CDH18: variants seen among roughly 807,000 people sequenced by gnomAD.
The protein encoded by CDH18 is cadherin-18.
CDH18 carries 31 observed loss-of-function variants against 67.9 expected under a neutral mutation model. That is an observed-to-expected ratio of 0.46 (90% CI 0.34 to 0.62). CDH18 has a LOEUF of 0.62. CDH18 is among the 20% of genes least tolerant of loss of function. The probability of loss-of-function intolerance (pLI) is 0.01; values close to 1 mark genes in which losing one functional copy is unlikely to be tolerated. For synonymous variants in CDH18, 362 were observed against 347.2 expected, an observed-to-expected ratio of 1.04 and a Z score of -0.48; for missense variants, 890 against 975.5, an observed-to-expected ratio of 0.91 and a Z score of 1.17.
intron 6 of CDH18, among the ~76,000 whole-genome samples, chr5:19,604,128 G>T (rs1747634916): frequency 6.6e-6 from 1 of 151,982 alleles, no homozygotes. Context: ...AAGGGCATTT[G>T]TCTCACTGAG....
intron 2 of CDH18, among the ~76,000 whole-genome samples, chr5:20,120,867 CATCTG>C (rs1192430356): frequency 6.6e-6 from 1 of 152,152 alleles, no homozygotes; most frequent in East Asian, 1.9e-4. Context: ...AAATGATTAG[CATCTG>C]ATCTGCTATA....
chr5:19,597,614 A>C (rs962445202), intron 6 of CDH18, among the ~76,000 whole-genome samples: 2 of 152,198 alleles, frequency 1.3e-5, no homozygotes, highest in Admixed American at 6.5e-5. Context: ...CAGAAAAAAA[A>C]ACAAATAAAA....
intron 1 of CDH18, among the ~76,000 whole-genome samples, chr5:20,558,376 G>A (rs892185335): frequency 5.9e-5 from 9 of 152,052 alleles, no homozygotes; most frequent in Non-Finnish European, 2.9e-5. Flanking sequence ...GAGGGGAGGA[G>A]TATAAAAAAG....
chr5:19,960,075 T>C (rs978125023), intron 2 of CDH18, among the ~76,000 whole-genome samples: 1 of 152,052 alleles, frequency 6.6e-6, no homozygotes, highest in African/African-American at 2.4e-5. Flanking sequence ...CCTATGACAT[T>C]ACTCTACACT....
chr5:19,849,477 T>C (rs1783395427), intron 2 of CDH18, among the ~76,000 whole-genome samples: 1 of 151,696 alleles, frequency 6.6e-6, no homozygotes, highest in African/African-American at 2.4e-5. Context: ...AACCACCAAT[T>C]AAATCAATAT....
chr5:20,359,096 T>C (rs1026707599), intron 1 of CDH18, among the ~76,000 whole-genome samples: 11 of 152,076 alleles, frequency 7.2e-5, no homozygotes, highest in African/African-American at 2.7e-4. Flanking sequence ...CATGCCTAGC[T>C]AATTTTGTAT....
chr5:19,934,925 A>T (rs1343078400), intron 2 of CDH18, among the ~76,000 whole-genome samples: 1 of 151,330 alleles, frequency 6.6e-6, no homozygotes, highest in Admixed American at 6.6e-5. Flanking sequence ...GGAGAGGAAA[A>T]CAATTGGATC....
At chr5:20,228,355 G>A (rs2126487333) in intron 2 of CDH18, among the ~76,000 whole-genome samples, 1 of 152,022 alleles carries the variant, frequency 6.6e-6, no homozygotes, top group African/African-American at 2.4e-5. Context: ...AAAATTACAG[G>A]TAAAATTGTA....
At chr5:20,498,919 T>C (rs1004805116) in intron 1 of CDH18, among the ~76,000 whole-genome samples, 1 of 151,942 alleles carries the variant, frequency 6.6e-6, no homozygotes, top group African/African-American at 2.4e-5. Flanking sequence ...AATGAGTGAA[T>C]ATTTTTAAAT....
chr5:19,938,788 T>TA (rs1312671474), intron 2 of CDH18, among the ~76,000 whole-genome samples: 2 of 151,622 alleles, frequency 1.3e-5, no homozygotes, highest in African/African-American at 2.4e-5. Context: ...TGTTCTCATT[T>TA]AAAAAAATCA....
chr5:19,528,703 G>C (rs976575807), intron 9 of CDH18, among the ~76,000 whole-genome samples: 1 of 151,826 alleles, frequency 6.6e-6, no homozygotes, highest in African/African-American at 2.4e-5. Context: ...TTGATTCTAA[G>C]TGAGGGAAGA....
At chr5:20,428,308 G>C (rs1262585747) in intron 1 of CDH18, among the ~76,000 whole-genome samples, 1 of 144,698 alleles carries the variant, frequency 6.9e-6, no homozygotes, top group African/African-American at 2.9e-5. Context: ...GTATTCCATG[G>C]TGTATATGTG....
In CDH18 at chr5:20,423,458, G is replaced by C. The variant is rs867754101; in HGVS notation, c.-580+152004C>G. On this transcript the variant is annotated intron_variant, in intron 1 of 14. Coordinates refer to the CDH18 transcript ENST00000507958. The stretch of plus-strand genomic sequence containing the variant: ...AATACACAGCAAATATTGTCAGAGA[G>C]TTGTGGAAAAACTGTGTCTTGAAAG... Among the ~76,000 whole-genome samples the C allele has an allele frequency of 1.2e-4, 18 of 151,060 alleles. 2 individuals carry two copies. The highest frequency in any genetic ancestry group is 4.5e-4 in the African/African-American group (18 of 40,422).
intron 1 of CDH18, among the ~76,000 whole-genome samples, chr5:20,455,410 A>T (rs1296765251): frequency 6.6e-6 from 1 of 152,112 alleles, no homozygotes; most frequent in Non-Finnish European, 1.5e-5. Flanking sequence ...CAACAGACAG[A>T]TTAGGTGATT....
chr5:20,553,495 A>C (rs1757749270), intron 1 of CDH18, among the ~76,000 whole-genome samples: 1 of 152,186 alleles, frequency 6.6e-6, no homozygotes, highest in Non-Finnish European at 1.5e-5. Context: ...TAGAATATAT[A>C]ATTTAATTCT....
At chr5:20,555,408 CTTTTTT>C (rs774396694) in intron 1 of CDH18, among the ~76,000 whole-genome samples, 1 of 103,658 alleles carries the variant, frequency 9.6e-6, no homozygotes, top group African/African-American at 4.1e-5. Flanking sequence ...ACAAGCTTTT[CTTTTTT>C]TTTTTTTTTT....
At chr5:20,490,812 A>G (rs1020288475) in intron 1 of CDH18, among the ~76,000 whole-genome samples, 2 of 152,180 alleles carry the variant, frequency 1.3e-5, no homozygotes, top group African/African-American at 4.8e-5. Context: ...GTTCATGTAA[A>G]TAAATGAGAA....
chr5:20,419,329 C>A (rs1219504188), intron 1 of CDH18, among the ~76,000 whole-genome samples: 1 of 152,030 alleles, frequency 6.6e-6, no homozygotes, highest in Admixed American at 6.5e-5. Flanking sequence ...TGAACACGGA[C>A]TAATACACAC....
chr5:20,416,058 T>C (rs1409243838), intron 1 of CDH18, among the ~76,000 whole-genome samples: 1 of 152,124 alleles, frequency 6.6e-6, no homozygotes, highest in Non-Finnish European at 1.5e-5. Context: ...TTCTAGAAAA[T>C]GGCTGTACAA....
Sources: gnomAD v4.1 joint callset for allele counts (sites outside exome capture counted in the v4.1 genomes callset) on GRCh38, gnomAD v4.1.1 for gene constraint, MANE v1.5 for transcripts, NCBI Gene and HGNC (gene_info 2026-07-23, HGNC 2026-07-21) for gene names.